Variants in CNIH3 observed in about 807,000 individuals in gnomAD.
CNIH3 encodes protein cornichon homolog 3.
CNIH3 carries 14 observed loss-of-function variants against 24.1 expected under a neutral mutation model. That is an observed-to-expected ratio of 0.58 (90% CI 0.38 to 0.91). The LOEUF (loss-of-function observed/expected upper bound fraction) is 0.91. Ranked by LOEUF, CNIH3 falls within the 40% of genes least tolerant of loss-of-function variation. The probability of loss-of-function intolerance (pLI) is 0.00; values close to 1 mark genes in which losing one functional copy is unlikely to be tolerated. For missense variants in CNIH3, 178 were observed against 196.8 expected (o/e 0.90, Z 0.57); for synonymous variants, 68 against 73.8 (o/e 0.92, Z 0.40).
In CNIH3 at chr1:224,680,980, G is replaced by C. The variant is rs199896803; in HGVS notation, c.104G>C (p.Arg35Thr). 73 of 1,614,064 alleles carry C rather than the reference G, an allele frequency of 4.5e-5. No individual in the cohort carries two copies. The highest frequency in any genetic ancestry group is 4.2e-5 in the Non-Finnish European group (50 of 1,179,934). The part of the protein sequence containing the change: ...IWHIIAFDEL[R>T]TDFKSPIDQC... ...CAGATAATTGCCTTTGATGAGTTAA[G>C]GACAGATTTTAAGAGCCCCATAGAC... Residue 35 changes from arginine (R) to threonine (T), a missense_variant, in exon 2 of 6, where the codon AGG (arginine) becomes ACG (threonine). Coordinates refer to ENST00000272133, the MANE Select transcript of CNIH3 (RefSeq NM_152495.2).
intron 1 of CNIH3, among the ~76,000 whole-genome samples, chr1:224,654,269 G>C (rs1684996458): frequency 2.6e-5 from 4 of 152,150 alleles, no homozygotes; most frequent in Non-Finnish European, 5.9e-5. Flanking sequence ...TGTAATCCCA[G>C]CTACTTGGGA....
chr1:224,565,621 T>G (rs1037866435), intron 3 of CNIH3: 4 of 152,442 alleles, frequency 2.6e-5, no homozygotes, highest in African/African-American at 9.7e-5. Flanking sequence ...CTCCCCTCCC[T>G]CAGCCCACTA....
At chr1:224,681,355 T>C (rs962171456) in intron 2 of CNIH3, among the ~76,000 whole-genome samples, 1 of 152,214 alleles carries the variant, frequency 6.6e-6, no homozygotes, top group African/African-American at 2.4e-5. Flanking sequence ...TTGGCCAGCA[T>C]GTTTGCAGGC....
In CNIH3 at chr1:224,518,290, C is replaced by A. The variant is rs1005299346; in HGVS notation, n.15+2414C>A. 7.2e-5 allele frequency among the ~76,000 whole-genome samples: 11 copies of A among 152,162 alleles called. 1 individual carries two copies. Among genetic ancestry groups the A allele is most frequent in the Admixed American group, 5.9e-4 (9 of 15,278 alleles). On this transcript the variant is annotated intron_variant and non_coding_transcript_variant, in intron 1 of 2. Transcript: ENST00000470602. ...AGTGCAAAATACTGGGGATGCCAGG[C>A]AGACTTGGTGCCTGCCTTCAGACCT...
rs151171974 is a variant in CNIH3, at chr1:224,489,238, T to C, written n.204-26503T>C. ...AGCTCACATTTCTGCTCAGGTCTTT[T>C]ATTCTTCAAGTCTGACTCACACACA... On this transcript the variant is annotated intron_variant and non_coding_transcript_variant, in intron 1 of 5. Transcript: ENST00000471578. Among the ~76,000 whole-genome samples the C allele has an allele frequency of 3.8e-3, 580 of 152,320 alleles. 3 individuals carry two copies. The highest frequency in any genetic ancestry group is 5.4e-3 in the Non-Finnish European group (368 of 68,020).
chr1:224,642,199 C>CA (rs1166656081), intron 1 of CNIH3, among the ~76,000 whole-genome samples: 1 of 152,148 alleles, frequency 6.6e-6, no homozygotes, highest in Non-Finnish European at 1.5e-5. Context: ...TGTAACAACT[C>CA]ATTTAATTTT....
chr1:224,683,417 A>T (rs544857951), intron 2 of CNIH3, among the ~76,000 whole-genome samples: 1 of 152,362 alleles, frequency 6.6e-6, no homozygotes, highest in East Asian at 1.9e-4. Context: ...AATGCTTCAG[A>T]TGCCTCATTT....
chr1:224,475,997 A>G (rs916605380), intron 1 of CNIH3, among the ~76,000 whole-genome samples: 1 of 152,240 alleles, frequency 6.6e-6, no homozygotes, highest in African/African-American at 2.4e-5. Context: ...CAAAAACTAT[A>G]TGATCATTTA....
intron 1 of CNIH3, among the ~76,000 whole-genome samples, chr1:224,507,012 AG>A (rs1236200101): frequency 6.6e-6 from 1 of 151,930 alleles, no homozygotes; most frequent in Non-Finnish European, 1.5e-5. Flanking sequence ...CACAGGTGTG[AG>A]CCACCACACC....
chr1:224,456,432 A>G (rs1052033383), intron 1 of CNIH3, among the ~76,000 whole-genome samples: 8 of 152,074 alleles, frequency 5.3e-5, no homozygotes. Flanking sequence ...TTTTTTGGAG[A>G]CAGGGTCTCA....
At chr1:224,708,948 C>T (rs1376036200) in intron 3 of CNIH3, among the ~76,000 whole-genome samples, 1 of 152,136 alleles carries the variant, frequency 6.6e-6, no homozygotes, top group South Asian at 2.1e-4. Flanking sequence ...GGGTTTCAAG[C>T]TGCTTTTGAA....
chr1:224,661,738 T>C (rs1049687640), intron 1 of CNIH3: 1 of 199,126 alleles, frequency 5.0e-6, no homozygotes, highest in Non-Finnish European at 1.0e-5. Context: ...ACCTCACGTC[T>C]CGGCTACTTG....
chr1:224,520,143 G>T (rs1678568562), intron 1 of CNIH3, among the ~76,000 whole-genome samples: 2 of 152,146 alleles, frequency 1.3e-5, no homozygotes, highest in South Asian at 4.1e-4. Context: ...TGTTGCTCAA[G>T]GATTCACCAT....
chr1:224,719,715 G>A (rs1013020359), intron 3 of CNIH3, among the ~76,000 whole-genome samples: 2 of 152,118 alleles, frequency 1.3e-5, no homozygotes, highest in South Asian at 2.1e-4. Flanking sequence ...ATGGTTTACC[G>A]AAGTTTCTGT....
chr1:224,609,275 G>C, intron 3 of CNIH3, among the ~76,000 whole-genome samples: 1 of 152,092 alleles, frequency 6.6e-6, no homozygotes. Context: ...AATCCAGATA[G>C]GTAGATGAAT....
rs1572524312 is a variant in CNIH3, at chr1:224,584,231, G to A, written n.620+964G>A. Among the ~76,000 whole-genome samples, 3 of 152,128 alleles carry A rather than the reference G, an allele frequency of 2.0e-5. No homozygotes were observed. The East Asian group carries it at 5.8e-4, about 29-fold the overall frequency. ...CTTTAAAAGAAAGTTACAATACACA[G>A]AACAAAGGCATTAGAAAAAAGAAAT... On this transcript the variant is annotated intron_variant and non_coding_transcript_variant, in intron 5 of 5. Transcript: ENST00000471578.
chr1:224,668,253 G>T (rs895734544), intron 1 of CNIH3, among the ~76,000 whole-genome samples: 1 of 152,184 alleles, frequency 6.6e-6, no homozygotes, highest in Non-Finnish European at 1.5e-5. Flanking sequence ...TTTAAGTAAT[G>T]CCACAGCTGG....
chr1:224,456,341 A>G (rs1675652662), intron 1 of CNIH3, among the ~76,000 whole-genome samples: 1 of 152,174 alleles, frequency 6.6e-6, no homozygotes, highest in Non-Finnish European at 1.5e-5. Context: ...TAGCTCAGAC[A>G]TGAGATGTGG....
At chr1:224,619,624 A>G (rs1176866933) in intron 1 of CNIH3, among the ~76,000 whole-genome samples, 2 of 152,160 alleles carry the variant, frequency 1.3e-5, no homozygotes, top group Admixed American at 1.3e-4. Flanking sequence ...CACGGTTTGT[A>G]TGTCTGGGTG....
Sources: gnomAD v4.1 joint callset for allele counts (sites outside exome capture counted in the v4.1 genomes callset) on GRCh38, gnomAD v4.1.1 for gene constraint, MANE v1.5 for transcripts, NCBI Gene and HGNC (gene_info 2026-07-23, HGNC 2026-07-21) for gene names.